The following VAMP3 variants were observed in gnomAD, a reference collection of about 807,000 sequenced individuals.
VAMP3 encodes the protein vesicle-associated membrane protein 3.
A neutral mutation model predicts 18.1 loss-of-function variants in VAMP3; 11 were observed. The ratio of observed to expected loss-of-function variants is 0.61; its 90% CI spans 0.38 to 1.00. VAMP3 has a LOEUF of 1.00. VAMP3 is among the 50% of genes least tolerant of loss of function. The pLI, the probability that VAMP3 is intolerant of heterozygous loss-of-function variation, is 0.01. For missense variants in VAMP3, 122 were observed against 127.3 expected (o/e 0.96, Z 0.20); for synonymous variants, 49 against 43.1 (o/e 1.14, Z -0.53).
intron 1 of VAMP3, 177 bp from the exon 2 acceptor site, chr1:7,773,265 A>G: frequency 3.4e-6 from 2 of 588,590 alleles, no homozygotes; most frequent in Non-Finnish European, 6.1e-6. Flanking sequence ...ATTATAGAGA[A>G]ATTAGAAGAA....
chr1:7,774,920 T>C (rs79566595), intron 2 of VAMP3, among the ~76,000 whole-genome samples: 6,120 of 152,348 alleles, frequency 0.04, 577 homozygotes, highest in East Asian at 0.27. Flanking sequence ...AATGTATACC[T>C]AGGAGTAGCA....
chr1:7,773,189 G>C (rs964052769), intron 1 of VAMP3: 1 of 467,460 alleles, frequency 2.1e-6, no homozygotes, highest in Non-Finnish European at 3.9e-6. Context: ...AGATACTTCA[G>C]GGATACAAAG....
intron 1 of VAMP3, among the ~76,000 whole-genome samples, chr1:7,772,093 G>A (rs1017748953): frequency 1.3e-5 from 2 of 152,192 alleles, no homozygotes; most frequent in Admixed American, 1.3e-4. Flanking sequence ...AAGATCTAGA[G>A]CCAAGGTACA....
rs1489510130 is a variant in VAMP3 at position 7,779,888 on chromosome 1, C to A, written c.*243C>A. 3.4e-5 allele frequency: 18 copies of A among 526,882 alleles called. No homozygotes were observed. The highest frequency in any genetic ancestry group is 5.7e-5 in the Non-Finnish European group (17 of 298,578). The allele number at this position is 526,882 out of a possible 1,614,324, so 32.6% of individuals were successfully genotyped here. ...ACGTATGGGCTGATGAAGAGGCCTT[C>A]TTAAGTTCCAGAGTGCTATAATCTA... is the stretch of plus-strand genomic sequence containing the variant. On this transcript the variant is annotated 3_prime_UTR_variant, in exon 5 of 5. Transcript: ENST00000054666.
At chr1:7,777,998 C>T (rs1355357465) in intron 3 of VAMP3, 120 bp from the exon 4 acceptor site, 1 of 1,061,990 alleles carries the variant, frequency 9.4e-7, no homozygotes. Context: ...TTATTAATTA[C>T]TCCAGACTGT....
chr1:7,772,495 C>T (rs1451261258), intron 1 of VAMP3, among the ~76,000 whole-genome samples: 1 of 152,220 alleles, frequency 6.6e-6, no homozygotes, highest in East Asian at 1.9e-4. Context: ...CAAAGTGATA[C>T]TTTCCAAGTA....
chr1:7,777,390 T>A, intron 3 of VAMP3, 72 bp downstream of exon 3: 1 of 1,516,870 alleles, frequency 6.6e-7, no homozygotes, highest in East Asian at 2.3e-5. Flanking sequence ...AGGCTACAGA[T>A]AATGGACTTT....
chr1:7,774,354 ATT>A (rs33967310), intron 2 of VAMP3, among the ~76,000 whole-genome samples: 6 of 144,170 alleles, frequency 4.2e-5, no homozygotes, highest in Non-Finnish European at 6.1e-5. Context: ...ATCAAATTGG[ATT>A]TTTTTTTTTA....
At position 7,773,465 on chromosome 1, in the gene VAMP3, C is replaced by A. The variant is rs2097052461; in HGVS notation, c.26C>A (p.Thr9Asn). ...AGGTCTACAGGTCCAACTGCTGCCA[C>A]TGGCAGTAATCGAAGACTTCAGCAG... The part of the protein sequence containing the change: MSTGPTAA[T>N]GSNRRLQQTQ... Residue 9 changes from threonine to asparagine, a missense_variant, in exon 2 of 5, where the codon ACT becomes AAT. Coordinates refer to ENST00000054666, the MANE Select transcript of VAMP3 (RefSeq NM_004781.4). The A allele has an allele frequency of 6.2e-7, 1 of 1,613,998 alleles. No homozygotes were observed. Among genetic ancestry groups the A allele is most frequent in the Non-Finnish European group, 8.5e-7 (1 of 1,180,020 alleles).
Position 7,771,506 on chromosome 1 carries a change from G to A in VAMP3, c.2+121G>A. 4.0e-6 allele frequency: 5 copies of A among 1,263,094 alleles called. No individual in the cohort carries two copies. In the South Asian group the frequency reaches 9.1e-5, roughly 23 times the overall value. The allele number at this position is 1,263,094 out of a possible 1,614,324, so 78.2% of individuals were successfully genotyped here. ...CGGACGCAGGCCGGGGCTGCGCGGG[G>A]ATCCCGAGGCCTGGGGGTGGGCGGT... is the stretch of plus-strand genomic sequence containing the variant. On this transcript the variant is annotated intron_variant, in intron 1 of 4. Coordinates refer to ENST00000054666, the MANE Select transcript of VAMP3 (RefSeq NM_004781.4).
rs1227732795 is a variant in VAMP3 at position 7,781,095 on chromosome 1, G to A, written c.*1450G>A. ...TTCACATGCTATTATGACTTATAAA[G>A]CAGCAACAGCTGAGGCGCACCAGGA... On this transcript the variant is annotated 3_prime_UTR_variant, in exon 5 of 5. Coordinates refer to ENST00000054666, the MANE Select transcript of VAMP3 (RefSeq NM_004781.4). 3 of 152,800 alleles carry A rather than the reference G, an allele frequency of 2.0e-5. No individual in the cohort carries two copies. Among genetic ancestry groups the A allele is most frequent in the Admixed American group, 6.5e-5 (1 of 15,284 alleles). The allele number at this position is 152,800 out of a possible 1,614,324, so 9.5% of individuals were successfully genotyped here.
intron 2 of VAMP3, among the ~76,000 whole-genome samples, chr1:7,775,155 T>A (rs751594151): frequency 2.6e-5 from 4 of 152,242 alleles, no homozygotes; most frequent in African/African-American, 4.8e-5. Flanking sequence ...CATCTTTTCA[T>A]GTGCTTATTG....
intron 2 of VAMP3, among the ~76,000 whole-genome samples, chr1:7,775,567 T>G (rs1309834318): frequency 1.3e-5 from 2 of 152,220 alleles, no homozygotes; most frequent in East Asian, 1.9e-4. Context: ...CAGGCTGGTC[T>G]CAAACTCCTG....
At chr1:7,777,936 G>C (rs548490982) in intron 3 of VAMP3, among the ~76,000 whole-genome samples, 182 bp from the exon 4 acceptor site, 1 of 152,312 alleles carries the variant, frequency 6.6e-6, no homozygotes, top group East Asian at 1.9e-4. Flanking sequence ...TTTAAAAGCA[G>C]ATAAGTTACC....
intron 4 of VAMP3, among the ~76,000 whole-genome samples, chr1:7,778,451 T>C (rs1183880101): frequency 1.3e-5 from 2 of 152,066 alleles, no homozygotes; most frequent in East Asian, 3.9e-4. Context: ...GGAGGATTGC[T>C]TGAGCCCAGG....
At chr1:7,773,620 G>T in intron 2 of VAMP3, 109 bp downstream of exon 2, 3 of 1,064,820 alleles carry the variant, frequency 2.8e-6, no homozygotes, top group Non-Finnish European at 4.1e-6. Context: ...AATTCTGACT[G>T]TATCATAATT....
chr1:7,779,061 C>G (rs1001621339), intron 4 of VAMP3, among the ~76,000 whole-genome samples: 1 of 151,808 alleles, frequency 6.6e-6, no homozygotes, highest in African/African-American at 2.4e-5. Flanking sequence ...CGGGTGTGGT[C>G]GCGGGCGCCT....
chr1:7,777,596 C>T (rs908066865), intron 3 of VAMP3, among the ~76,000 whole-genome samples: 3 of 152,202 alleles, frequency 2.0e-5, no homozygotes, highest in African/African-American at 7.2e-5. Flanking sequence ...CAACCCTCTA[C>T]CCCAGCAGGG....
intron 2 of VAMP3, chr1:7,776,617 A>G (rs2097054366): frequency 6.6e-6 from 1 of 152,330 alleles, no homozygotes; most frequent in Non-Finnish European, 1.5e-5. Context: ...ACCATGGAGC[A>G]TGATATTAGT....
Sources: gnomAD v4.1 joint callset for allele counts (sites outside exome capture counted in the v4.1 genomes callset) on GRCh38, gnomAD v4.1.1 for gene constraint, MANE v1.5 for transcripts, NCBI Gene and HGNC (gene_info 2026-07-23, HGNC 2026-07-21) for gene names.